The following STOML3 variants were observed in gnomAD, a reference collection of about 807,000 sequenced individuals.
STOML3 encodes stomatin like 3.
A neutral mutation model predicts 29.5 loss-of-function variants in STOML3; 31 were observed. The ratio of observed to expected loss-of-function variants is 1.05; its 90% CI spans 0.79 to 1.42. The LOEUF (loss-of-function observed/expected upper bound fraction) is 1.42. Ranked by LOEUF, STOML3 falls within the 40% of genes most tolerant of loss-of-function variation. STOML3 has a pLI of 0.00. For synonymous variants in STOML3, 122 were observed against 139.8 expected (o/e 0.87, Z 0.90); for missense variants, 380 against 363.0 (o/e 1.05, Z -0.38).
At chr13:38,981,904 C>T (rs1881279050) in intron 1 of STOML3, among the ~76,000 whole-genome samples, 1 of 152,166 alleles carries the variant, frequency 6.6e-6, no homozygotes, top group African/African-American at 2.4e-5. Flanking sequence ...CAGTATTCAA[C>T]TTCCAACTAA....
intron 1 of STOML3, among the ~76,000 whole-genome samples, chr13:38,979,730 C>T (rs1881209102): frequency 6.6e-6 from 1 of 152,168 alleles, no homozygotes; most frequent in Admixed American, 6.5e-5. Context: ...ACAGACAAGG[C>T]TGTAATAACT....
intron 1 of STOML3, among the ~76,000 whole-genome samples, chr13:38,977,104 G>C (rs912089007): frequency 6.6e-6 from 1 of 152,218 alleles, no homozygotes; most frequent in East Asian, 1.9e-4. Context: ...CATAAACAGT[G>C]GTTCTCAAAA....
intron 1 of STOML3, 108 bp downstream of exon 1, chr13:38,990,562 A>T (rs1868961336): frequency 9.1e-7 from 1 of 1,102,312 alleles, no homozygotes; most frequent in Non-Finnish European, 1.3e-6. Flanking sequence ...ATTGAGGCCG[A>T]TTTCTGCAAA....
At chr13:38,976,889 G>T in intron 1 of STOML3, 92 bp from the exon 2 acceptor site, 1 of 1,086,992 alleles carries the variant, frequency 9.2e-7, no homozygotes, top group Non-Finnish European at 1.4e-6. Context: ...CAGACAGCTG[G>T]CCAAGCCTGA....
intron 1 of STOML3, among the ~76,000 whole-genome samples, chr13:38,984,104 C>G (rs1159122344): frequency 6.6e-6 from 1 of 152,114 alleles, no homozygotes; most frequent in Non-Finnish European, 1.5e-5. Context: ...ACTCAGAGCC[C>G]AGGCTTCACA....
intron 1 of STOML3, among the ~76,000 whole-genome samples, chr13:38,977,494 T>G (rs1303150620): frequency 1.3e-5 from 2 of 152,232 alleles, no homozygotes; most frequent in Non-Finnish European, 2.9e-5. Context: ...TTATTCCCAT[T>G]TCCAGATGAA....
Position 38,990,691 on chromosome 13 carries a change from G to T in STOML3, c.31C>A (p.Gln11Lys), listed in dbSNP as rs147878470. 2 of 1,613,910 alleles carry T rather than the reference G, an allele frequency of 1.2e-6. No individual in the cohort carries two copies. Among genetic ancestry groups the T allele is most frequent in the South Asian group, 1.1e-5 (1 of 91,058 alleles). The change falls in exon 1 of 7, where the codon CAA becomes AAA. Residue 11 changes from glutamine (Q) to lysine (K), a missense_variant. Coordinates refer to ENST00000379631, the MANE Select transcript of STOML3 (RefSeq NM_145286.3). ...TTACCCACGAAATTCTCTTTATCTT[G>T]CTTCTCAGGTGAAGACACCCTAGAA... MDSRVSSPEK[Q>K]DKENFVGVNN...
At chr13:38,969,628 C>G (rs1032600057) in intron 5 of STOML3, among the ~76,000 whole-genome samples, 2 of 152,122 alleles carry the variant, frequency 1.3e-5, no homozygotes, top group Non-Finnish European at 2.9e-5. Flanking sequence ...TAAGAAAATA[C>G]AGAAGTATTC....
intron 1 of STOML3, among the ~76,000 whole-genome samples, chr13:38,982,479 T>A (rs1881302953): frequency 6.6e-6 from 1 of 152,162 alleles, no homozygotes; most frequent in Non-Finnish European, 1.5e-5. Flanking sequence ...CTTTGGAATA[T>A]AAACATCAAA....
intron 4 of STOML3, among the ~76,000 whole-genome samples, chr13:38,971,282 C>G (rs1880857513): frequency 6.6e-6 from 1 of 152,136 alleles, no homozygotes; most frequent in African/African-American, 2.4e-5. Flanking sequence ...ATCCTCCTGC[C>G]TCAGCCTCTC....
intron 1 of STOML3, among the ~76,000 whole-genome samples, chr13:38,986,016 T>G (rs1261315674): frequency 6.7e-6 from 1 of 149,116 alleles, no homozygotes; most frequent in Non-Finnish European, 1.5e-5. Flanking sequence ...TTCTAAGTTT[T>G]CTTTGACATA....
intron 5 of STOML3, 43 bp from the exon 6 acceptor site, chr13:38,968,577 G>C (rs768903793): frequency 6.2e-7 from 1 of 1,607,726 alleles, no homozygotes; most frequent in Non-Finnish European, 8.5e-7. Context: ...AAAGACAGGT[G>C]ATATGATGTA....
intron 3 of STOML3, among the ~76,000 whole-genome samples, chr13:38,974,150 G>A (rs1430248899): frequency 6.6e-6 from 1 of 152,120 alleles, no homozygotes; most frequent in Non-Finnish European, 1.5e-5. Flanking sequence ...CATTAACCTG[G>A]TGAATGTTGT....
intron 1 of STOML3, among the ~76,000 whole-genome samples, chr13:38,990,355 T>C (rs1868951695): frequency 6.6e-6 from 1 of 152,162 alleles, no homozygotes; most frequent in Non-Finnish European, 1.5e-5. Flanking sequence ...AGACTGCTGT[T>C]CAAGAAGCAA....
At chr13:38,968,696 T>C (rs888996980) in intron 5 of STOML3, among the ~76,000 whole-genome samples, 162 bp from the exon 6 acceptor site, 9 of 152,240 alleles carry the variant, frequency 5.9e-5, no homozygotes, top group African/African-American at 1.9e-4. Flanking sequence ...TAAGAGTTAA[T>C]ATTCTTATTG....
chr13:38,972,086 C>CA (rs897728861), intron 4 of STOML3, among the ~76,000 whole-genome samples: 19 of 152,220 alleles, frequency 1.2e-4, no homozygotes, highest in African/African-American at 4.1e-4. Context: ...GTGGATATTA[C>CA]AAAAAATTCT....
At chr13:38,986,423 A>G (rs1868556382) in intron 1 of STOML3, among the ~76,000 whole-genome samples, 1 of 152,146 alleles carries the variant, frequency 6.6e-6, no homozygotes, top group East Asian at 1.9e-4. Flanking sequence ...AGCAGGGAAG[A>G]CCAGATGCTT....
intron 1 of STOML3, among the ~76,000 whole-genome samples, chr13:38,988,037 A>G (rs1392445773): frequency 9.1e-6 from 1 of 110,006 alleles, no homozygotes. Context: ...TATATTTTAT[A>G]TCATATATTT....
intron 4 of STOML3, 122 bp from the exon 5 acceptor site, chr13:38,970,510 G>C: frequency 1.3e-6 from 1 of 772,086 alleles, no homozygotes; most frequent in Non-Finnish European, 2.1e-6. Context: ...TCATGCTACA[G>C]TCACCTAAAA....
Sources: allele counts gnomAD v4.1 joint callset (sites outside exome capture counted in the v4.1 genomes callset), GRCh38; gene constraint gnomAD v4.1.1; transcripts MANE v1.5; gene names NCBI Gene and HGNC (gene_info 2026-07-23, HGNC 2026-07-21).